The following NEO1 variants were observed in gnomAD, a reference collection of about 807,000 sequenced individuals.
NEO1 encodes neogenin 1.
A neutral mutation model predicts 159.7 loss-of-function variants in NEO1; 63 were observed. The ratio of observed to expected loss-of-function variants is 0.39; its 90% CI spans 0.32 to 0.49. The LOEUF is 0.49. NEO1 is among the 20% of genes least tolerant of loss of function. The probability of loss-of-function intolerance (pLI) is 0.85; values close to 1 mark genes in which losing one functional copy is unlikely to be tolerated. For missense variants in NEO1, 1,615 were observed against 1,831.0 expected, an observed-to-expected ratio of 0.88 and a Z score of 2.15; for synonymous variants, 633 against 662.0, an observed-to-expected ratio of 0.96 and a Z score of 0.67.
chr15:73,186,539 T>A (rs968871906), intron 7 of NEO1, among the ~76,000 whole-genome samples: 1 of 152,110 alleles, frequency 6.6e-6, no homozygotes, highest in Non-Finnish European at 1.5e-5. Flanking sequence ...ATTAATTGCT[T>A]TAAGAGATAA....
intron 25 of NEO1, 89 bp downstream of exon 25, chr15:73,289,327 G>A: frequency 9.2e-7 from 1 of 1,083,078 alleles, no homozygotes; most frequent in Non-Finnish European, 1.4e-6. Flanking sequence ...GACTTCACTT[G>A]ATTCTAACAC....
At chr15:73,060,783 G>A (rs6495045) in intron 1 of NEO1, among the ~76,000 whole-genome samples, 106,450 of 151,864 alleles carry the variant, frequency 0.7, 38,375 homozygotes, top group African/African-American at 0.87. Context: ...AGTAGCTGGG[G>A]CTACAGTCAT....
chr15:73,198,726 T>C (rs1200672986), intron 7 of NEO1, among the ~76,000 whole-genome samples: 1 of 152,070 alleles, frequency 6.6e-6, no homozygotes, highest in Non-Finnish European at 1.5e-5. Context: ...TCTTAAGTGT[T>C]GTATCCTGGG....
chr15:73,157,097 T>C (rs1486377118), intron 5 of NEO1, among the ~76,000 whole-genome samples: 2 of 152,162 alleles, frequency 1.3e-5, no homozygotes, highest in African/African-American at 4.8e-5. Context: ...GTCATGGCAG[T>C]GTTCTGCAAC....
At chr15:73,144,921 G>GCTTT (rs1227978663) in intron 5 of NEO1, among the ~76,000 whole-genome samples, 2 of 151,160 alleles carry the variant, frequency 1.3e-5, no homozygotes, top group Admixed American at 1.3e-4. Flanking sequence ...CTTTCTCCTT[G>GCTTT]CTTTCACTCC....
intron 5 of NEO1, among the ~76,000 whole-genome samples, chr15:73,167,901 A>G (rs2034684675): frequency 1.3e-5 from 2 of 152,230 alleles, no homozygotes; most frequent in Non-Finnish European, 2.9e-5. Context: ...TTGGTGCTGA[A>G]ATTTCATGTT....
chr15:73,075,759 T>C (rs1439452221), intron 1 of NEO1, among the ~76,000 whole-genome samples: 8 of 152,138 alleles, frequency 5.3e-5, no homozygotes, highest in African/African-American at 1.9e-4. Context: ...TATTGTAAAA[T>C]TGTTTAATCT....
chr15:73,211,558 T>C (rs2037569681), intron 7 of NEO1, among the ~76,000 whole-genome samples: 1 of 152,062 alleles, frequency 6.6e-6, no homozygotes, highest in Non-Finnish European at 1.5e-5. Context: ...CTACTAAAAA[T>C]ACAAAAATTA....
At chr15:73,143,402 A>G (rs1263446029) in intron 5 of NEO1, 1 of 156,316 alleles carries the variant, frequency 6.4e-6, no homozygotes, top group East Asian at 1.9e-4. Context: ...TGCCTAGCAC[A>G]CACTTAAAGG....
At chr15:73,065,458 T>G (rs551856185) in intron 1 of NEO1, among the ~76,000 whole-genome samples, 51 of 152,316 alleles carry the variant, frequency 3.3e-4, no homozygotes, top group Admixed American at 8.5e-4. Context: ...TAGATTTTTG[T>G]GGAGAGGGTG....
intron 5 of NEO1, among the ~76,000 whole-genome samples, chr15:73,149,546 A>G (rs1417842381): frequency 1.3e-5 from 2 of 152,154 alleles, no homozygotes; most frequent in Non-Finnish European, 2.9e-5. Context: ...TTACGTGTCA[A>G]CTATGTCTTT....
chr15:73,287,837 G>C (rs1004323357), intron 23 of NEO1, among the ~76,000 whole-genome samples: 1 of 151,130 alleles, frequency 6.6e-6, no homozygotes, highest in Non-Finnish European at 1.5e-5. Context: ...CCGATATCTC[G>C]CCATTACACT....
At chr15:73,173,164 G>T (rs1360260133) in intron 5 of NEO1, among the ~76,000 whole-genome samples, 1 of 152,160 alleles carries the variant, frequency 6.6e-6, no homozygotes, top group Non-Finnish European at 1.5e-5. Flanking sequence ...ATGTATTGCA[G>T]TTCAAATGAA....
intron 1 of NEO1, among the ~76,000 whole-genome samples, chr15:73,115,321 G>A (rs957496513): frequency 6.6e-6 from 1 of 152,190 alleles, no homozygotes; most frequent in East Asian, 1.9e-4. Context: ...GATTACAGGC[G>A]TGAGCCACCG....
chr15:73,287,861 C>T lies in NEO1; in HGVS notation c.3411-452C>T, dbSNP rs117396923. Reference sequence around the variant, plus strand: ...CGCCATTACACTGTAGCTTGGGCGACGAGCAAAACTCCATCTCAAAAAAAA... The same window carrying T: ...CGCCATTACACTGTAGCTTGGGCGATGAGCAAAACTCCATCTCAAAAAAAA... On this transcript the variant is annotated intron_variant, in intron 23 of 28. Coordinates refer to ENST00000261908, the MANE Select transcript of NEO1 (RefSeq NM_002499.4). Among the ~76,000 whole-genome samples the T allele has an allele frequency of 0.018, 2,744 of 149,002 alleles. 145 individuals carry two copies. The East Asian group carries it at 0.19, about 10-fold the overall frequency.
At chr15:73,121,341 T>C (rs894553842) in intron 2 of NEO1, among the ~76,000 whole-genome samples, 7 of 152,200 alleles carry the variant, frequency 4.6e-5, no homozygotes, top group South Asian at 2.1e-4. Flanking sequence ...TTTGTTTGAT[T>C]TCTCCCTGAA....
intron 23 of NEO1, among the ~76,000 whole-genome samples, chr15:73,285,975 A>G (rs1276525803): frequency 6.6e-6 from 1 of 152,148 alleles, no homozygotes; most frequent in Non-Finnish European, 1.5e-5. Context: ...TCTCTCCAGC[A>G]TAGCTGACCT....
intron 1 of NEO1, among the ~76,000 whole-genome samples, chr15:73,096,326 A>T (rs2151477874): frequency 6.6e-6 from 1 of 152,350 alleles, no homozygotes; most frequent in South Asian, 2.1e-4. Context: ...CAAAAGCAGA[A>T]CTTTGCATGG....
At position 73,101,417 on chromosome 15, in the gene NEO1, G is replaced by A. The variant is rs982829357; in HGVS notation, c.131-15123G>A. Reference sequence around the variant, plus strand: ...TGCACGCTCTCACGCGCACGCGTGCGCACACACGCTCTCTTTCCCACTCTC... The same window carrying A: ...TGCACGCTCTCACGCGCACGCGTGCACACACACGCTCTCTTTCCCACTCTC... On this transcript the variant is annotated intron_variant, in intron 1 of 28. Transcript: ENST00000261908. Among the ~76,000 whole-genome samples the A allele has an allele frequency of 4.6e-5, 7 of 152,232 alleles. No individual in the cohort carries two copies. The East Asian group carries it at 7.7e-4, about 17-fold the overall frequency.
Sources: gnomAD v4.1 joint callset for allele counts (sites outside exome capture counted in the v4.1 genomes callset) on GRCh38, gnomAD v4.1.1 for gene constraint, MANE v1.5 for transcripts, NCBI Gene and HGNC (gene_info 2026-07-23, HGNC 2026-07-21) for gene names.